The following RSAD1 variants were observed in gnomAD, a reference collection of about 807,000 sequenced individuals.
The protein encoded by RSAD1 is radical S-adenosyl methionine domain-containing protein 1, mitochondrial.
Under a neutral mutation model 46.2 loss-of-function variants are expected in RSAD1, and 34 were observed. The ratio of observed to expected loss-of-function variants is 0.74; its 90% CI spans 0.56 to 0.98. RSAD1 has a LOEUF of 0.98. RSAD1 is among the 50% of genes least tolerant of loss of function. The pLI, the probability that RSAD1 is intolerant of heterozygous loss-of-function variation, is 0.00. For missense variants in RSAD1, 635 were observed against 592.3 expected (o/e 1.07, Z -0.75); for synonymous variants, 260 against 253.5 (o/e 1.03, Z -0.24).
intron 5 of RSAD1, 151 bp from the exon 6 acceptor site, chr17:50,483,189 A>AAAAAG (rs779338411): frequency 0.19 from 49,974 of 261,630 alleles, 4,012 homozygotes; most frequent in Non-Finnish European, 0.2. Context: ...AAAAAAAAAA[A>AAAAAG]AAAGAAAGAA....
chr17:50,479,174 T>C, intron 1 of RSAD1, 155 bp downstream of exon 1: 1 of 830,244 alleles, frequency 1.2e-6, no homozygotes, highest in Non-Finnish European at 1.6e-6. Flanking sequence ...CCCTGTGCTT[T>C]GGCAGGGAAA....
At position 50,482,224 on chromosome 17, in the gene RSAD1, A is replaced by T; in HGVS notation, c.608A>T (p.Gln203Leu). ...SVDLMLGLPA[Q>L]QVGPWLGQLQ... ...GACTTGATGCTGGGGCTGCCGGCAC[A>T]GCAGGTGGGGCCGTGGCTTGGGCAG... Residue 203 changes from glutamine to leucine, a missense_variant, in exon 4 of 9, where the codon CAG (glutamine) becomes CTG (leucine). Transcript: ENST00000258955. 6.4e-7 allele frequency: 1 copy of T among 1,569,424 alleles called. No individual in the cohort carries two copies.
rs374840898 is a variant in RSAD1 at position 50,481,993 on chromosome 17, C to T, written c.475-98C>T. 2,122 of 1,368,272 alleles carry T rather than the reference C, an allele frequency of 1.6e-3. 53 individuals carry two copies. In the South Asian group the frequency reaches 0.034, roughly 22 times the overall value. The allele number at this position is 1,368,272 out of a possible 1,614,324, so 84.8% of individuals were successfully genotyped here. ...CCTCCTGCCTTCCAGCTGCCTGCCA[C>T]GTGCTGCGTTCTCCCTGTATCTGTG... On this transcript the variant is annotated intron_variant, in intron 3 of 8. Transcript: ENST00000258955.
At position 50,484,558 on chromosome 17, in the gene RSAD1, G is replaced by T. The variant is rs1258241154; in HGVS notation, c.1211+13G>T. ...AGCTGGATCACAGGTGTGTTGGGGG[G>T]TGCCGGGCAGAGGGGGCTGAGGCAT... On this transcript the variant is annotated intron_variant, in intron 8 of 8. Coordinates refer to ENST00000258955, the MANE Select transcript of RSAD1 (RefSeq NM_018346.3). 4 of 1,611,156 alleles carry T rather than the reference G, an allele frequency of 2.5e-6. No individual in the cohort carries two copies. The highest frequency in any genetic ancestry group is 2.2e-5 in the East Asian group (1 of 44,884).
chr17:50,479,177 C>A (rs539074509), intron 1 of RSAD1, 158 bp downstream of exon 1: 5 of 796,914 alleles, frequency 6.3e-6, no homozygotes, highest in Non-Finnish European at 8.6e-6. Flanking sequence ...TGTGCTTTGG[C>A]AGGGAAATGA....
rs376745581 is a variant in RSAD1, at chr17:50,483,093, A to ACTT, written c.905-246_905-244dup. The stretch of plus-strand genomic sequence containing the variant: ...GTGTCATGTGCCTCTAATCTGAGCT[A>ACTT]CTTGGGAAGCTGAGGTGGAAAGATC... On this transcript the variant is annotated intron_variant, in intron 5 of 8. Coordinates refer to ENST00000258955, the MANE Select transcript of RSAD1 (RefSeq NM_018346.3). Among the ~76,000 whole-genome samples the ACTT allele has an allele frequency of 1.9e-3, 268 of 142,510 alleles. 1 individual carries two copies. Among genetic ancestry groups the ACTT allele is most frequent in the African/African-American group, 6.3e-3 (240 of 38,288 alleles). 93.5% of individuals were successfully genotyped at this position (142,510 alleles called of 152,430 possible).
intron 3 of RSAD1, chr17:50,480,339 G>T: frequency 1.9e-6 from 1 of 516,144 alleles, no homozygotes; most frequent in Non-Finnish European, 3.5e-6. Context: ...ATAGTAGGTG[G>T]TCAAAAAAGA....
chr17:50,483,514 C>T, intron 6 of RSAD1, 27 bp downstream of exon 6: 1 of 1,609,566 alleles, frequency 6.2e-7, no homozygotes, highest in Non-Finnish European at 8.5e-7. Flanking sequence ...ACAGGGCTCT[C>T]CTCCAGGATC....
intron 3 of RSAD1, 21 bp downstream of exon 3, chr17:50,480,105 C>T: frequency 6.2e-7 from 1 of 1,609,868 alleles, no homozygotes; most frequent in Non-Finnish European, 8.5e-7. Flanking sequence ...GCACTCACCC[C>T]ATCCCAGTGC....
intron 5 of RSAD1, 143 bp from the exon 6 acceptor site, chr17:50,483,188 AAAAAGAAAG>A: frequency 5.4e-6 from 5 of 925,234 alleles, no homozygotes; most frequent in Admixed American, 3.8e-5. Context: ...AAAAAAAAAA[AAAAAGAAAG>A]AAAGAAAGAA....
In RSAD1 at chr17:50,478,867, C is replaced by T. The variant is rs1007473387; in HGVS notation, c.-18C>T. 14 of 1,264,572 alleles carry T rather than the reference C, an allele frequency of 1.1e-5. No individual in the cohort carries two copies. The highest frequency in any genetic ancestry group is 8.5e-5 in the Admixed American group (2 of 23,488). The allele number at this position is 1,264,572 out of a possible 1,614,324, so 78.3% of individuals were successfully genotyped here. A position where few individuals can be genotyped will look rare whatever the true frequency, so the allele number is the denominator to read the frequency against. ...GCGTCTCCTGCTCGGGTCAGTGCGCCGCGCTGCGCTGGGCGCCATGGCGCT... is the reference window on the plus strand; with the variant it reads ...GCGTCTCCTGCTCGGGTCAGTGCGCTGCGCTGCGCTGGGCGCCATGGCGCT... On this transcript the variant is annotated 5_prime_UTR_variant, in exon 1 of 9. Transcript: ENST00000258955.
chr17:50,483,675 C>G (rs988707717), intron 6 of RSAD1, 31 bp from the exon 7 acceptor site: 1 of 1,613,242 alleles, frequency 6.2e-7, no homozygotes, highest in African/African-American at 1.3e-5. Flanking sequence ...CAGGCCTCCT[C>G]TCTAAGACTC....
chr17:50,483,838 C>T (rs185550477), intron 7 of RSAD1, 78 bp downstream of exon 7: 4 of 1,362,142 alleles, frequency 2.9e-6, no homozygotes, highest in Non-Finnish European at 4.1e-6. Context: ...CCACCCCCCC[C>T]ACACACATAT....
intron 3 of RSAD1, chr17:50,480,324 G>A: frequency 3.7e-6 from 2 of 544,444 alleles, no homozygotes; most frequent in Non-Finnish European, 3.3e-6. Flanking sequence ...CATAGTGCCT[G>A]GCACATAGTA....
chr17:50,481,162 A>G (rs1259404788), intron 3 of RSAD1, among the ~76,000 whole-genome samples: 1 of 152,274 alleles, frequency 6.6e-6, no homozygotes, highest in East Asian at 1.9e-4. Context: ...GAGAATCTAA[A>G]GGAGACAGAA....
rs191502326 is a variant in RSAD1 at position 50,481,630 on chromosome 17, G to A, written c.475-461G>A. On this transcript the variant is annotated intron_variant, in intron 3 of 8. Coordinates refer to ENST00000258955, the MANE Select transcript of RSAD1 (RefSeq NM_018346.3). ...ATTCAGCATAATAACAGGTATGTATGTTTAAAGAGAAACAAATATGGACAA... is the reference window on the plus strand; with the variant it reads ...ATTCAGCATAATAACAGGTATGTATATTTAAAGAGAAACAAATATGGACAA... Among the ~76,000 whole-genome samples the A allele has an allele frequency of 3.1e-4, 47 of 152,324 alleles. 1 individual carries two copies. The highest frequency in any genetic ancestry group is 1.1e-3 in the African/African-American group (44 of 41,570).
At chr17:50,479,128 G>A (rs2033347343) in intron 1 of RSAD1, 109 bp downstream of exon 1, 2 of 1,161,996 alleles carry the variant, frequency 1.7e-6, no homozygotes, top group Non-Finnish European at 2.2e-6. Flanking sequence ...CCCGCCTGCC[G>A]TGTTTCCGTG....
Position 50,479,032 on chromosome 17 carries a change from G to C in RSAD1, c.135+13G>C. On this transcript the variant is annotated intron_variant, in intron 1 of 8. Coordinates refer to ENST00000258955, the MANE Select transcript of RSAD1 (RefSeq NM_018346.3). Reference sequence around the variant, plus strand: ...GCTTTACGTACACGTGAGTAGGGGCGGGGGCGGAGCCCACGGTGTGTGGCC... The same window carrying C: ...GCTTTACGTACACGTGAGTAGGGGCCGGGGCGGAGCCCACGGTGTGTGGCC... The C allele has an allele frequency of 1.5e-6, 2 of 1,328,612 alleles. No homozygotes were observed. The highest frequency in any genetic ancestry group is 2.2e-4 in the Middle Eastern group (1 of 4,456). 82.3% of individuals were successfully genotyped at this position (1,328,612 alleles called of 1,614,324 possible). A position where few individuals can be genotyped will look rare whatever the true frequency, so the allele number is the denominator to read the frequency against.
At chr17:50,479,292 T>G in intron 1 of RSAD1, 1 of 468,268 alleles carries the variant, frequency 2.1e-6, no homozygotes, top group Non-Finnish European at 3.7e-6. Flanking sequence ...AAAATTTTCT[T>G]AAGAGCAGTG....
Sources: gnomAD v4.1 joint callset for allele counts (sites outside exome capture counted in the v4.1 genomes callset) on GRCh38, gnomAD v4.1.1 for gene constraint, MANE v1.5 for transcripts, NCBI Gene and HGNC (gene_info 2026-07-23, HGNC 2026-07-21) for gene names.